GRIP1: variants seen among roughly 807,000 people sequenced by gnomAD.
GRIP1 encodes glutamate receptor interacting protein 1, also known as glutamate receptor-interacting protein 1.
A neutral mutation model predicts 129.9 loss-of-function variants in GRIP1; 45 were observed. That is an observed-to-expected ratio of 0.35 (90% confidence interval 0.27 to 0.44). The LOEUF (loss-of-function observed/expected upper bound fraction) is 0.44. Among genes scored for constraint, GRIP1 ranks in the 20% least tolerant of loss-of-function variants. GRIP1 has a pLI of 1.00. For synonymous variants in GRIP1, 530 were observed against 520.8 expected, an observed-to-expected ratio of 1.02 and a Z score of -0.24; for missense variants, 1,196 against 1,396.8, an observed-to-expected ratio of 0.86 and a Z score of 2.29.
chr12:66,867,464 G>A (rs2040226138), intron 1 of GRIP1, among the ~76,000 whole-genome samples: 1 of 152,072 alleles, frequency 6.6e-6, no homozygotes, highest in Admixed American at 6.6e-5. Flanking sequence ...TCATTAGGCA[G>A]GGTTAGGACA....
intron 1 of GRIP1, among the ~76,000 whole-genome samples, chr12:66,721,687 C>A (rs1415254194): frequency 6.6e-6 from 1 of 152,218 alleles, no homozygotes; most frequent in African/African-American, 2.4e-5. Flanking sequence ...ATTGACTTCT[C>A]TCTAGCTAGG....
rs35445606 is a variant in GRIP1 at position 66,696,804 on chromosome 12, C to CAAAAAAAA, written c.-419-66476_-419-66469dup. ...TGGGTGACAGAGCAAGACTCTGTCT[C>CAAAAAAAA]AAAAAAAAAAAAAAAAAAAAAAAAA... is the stretch of plus-strand genomic sequence containing the variant. On this transcript the variant is annotated intron_variant, in intron 1 of 4. Transcript: ENST00000538373. Among the ~76,000 whole-genome samples, 208 of 103,712 alleles carry CAAAAAAAA rather than the reference C, an allele frequency of 2.0e-3. 6 individuals are homozygous for CAAAAAAAA. Among genetic ancestry groups the CAAAAAAAA allele is most frequent in the African/African-American group, 7.7e-3 (190 of 24,698 alleles). 68.0% of individuals were successfully genotyped at this position (103,712 alleles called of 152,430 possible).
chr12:66,515,531 C>T, intron 7 of GRIP1, 88 bp downstream of exon 7: 2 of 1,195,332 alleles, frequency 1.7e-6, no homozygotes, highest in Non-Finnish European at 1.2e-6. Context: ...GAGGGCATGA[C>T]AATACATACT....
chr12:66,847,152 C>T (rs1592899101), intron 1 of GRIP1, among the ~76,000 whole-genome samples: 1 of 152,326 alleles, frequency 6.6e-6, no homozygotes, highest in South Asian at 2.1e-4. Context: ...TACAAGCCAT[C>T]TGAACCTGCA....
chr12:66,690,441 A>G (rs1419723473), intron 1 of GRIP1, among the ~76,000 whole-genome samples: 1 of 151,844 alleles, frequency 6.6e-6, no homozygotes, highest in East Asian at 1.9e-4. Flanking sequence ...CTTGATGGAC[A>G]CTTAGGTTGT....
At chr12:66,969,349 T>C (rs1188233121) in intron 1 of GRIP1, among the ~76,000 whole-genome samples, 1 of 152,200 alleles carries the variant, frequency 6.6e-6, no homozygotes, top group African/African-American at 2.4e-5. Context: ...ATTACCTGTA[T>C]ATGTATGTTT....
chr12:67,062,707 A>T (rs2043556136), intron 1 of GRIP1, among the ~76,000 whole-genome samples: 1 of 152,186 alleles, frequency 6.6e-6, no homozygotes, highest in Admixed American at 6.5e-5. Flanking sequence ...CCATCATGGC[A>T]CTTTGGCAGT....
chr12:66,910,771 T>G (rs2041015786), intron 1 of GRIP1, among the ~76,000 whole-genome samples: 1 of 152,120 alleles, frequency 6.6e-6, no homozygotes, highest in African/African-American at 2.4e-5. Flanking sequence ...GACCAGTGAT[T>G]CTAAAACTAT....
chr12:66,928,281 G>A (rs1011083232), intron 1 of GRIP1, among the ~76,000 whole-genome samples: 1 of 152,170 alleles, frequency 6.6e-6, no homozygotes, highest in African/African-American at 2.4e-5. Flanking sequence ...CTGATCAGAA[G>A]GAGAGCATAT....
chr12:66,816,998 C>T (rs1009763335), intron 1 of GRIP1, among the ~76,000 whole-genome samples: 1 of 151,964 alleles, frequency 6.6e-6, no homozygotes, highest in African/African-American at 2.4e-5. Context: ...TCGCAAAAGA[C>T]GATTCCTCAT....
chr12:66,354,025 C>A (rs192642509), intron 23 of GRIP1, among the ~76,000 whole-genome samples: 1 of 152,170 alleles, frequency 6.6e-6, no homozygotes, highest in African/African-American at 2.4e-5. Context: ...TCTCTTTGGG[C>A]AAGTACCATG....
At chr12:66,444,821 T>C in intron 12 of GRIP1, 92 bp from the exon 13 acceptor site, 1 of 1,340,372 alleles carries the variant, frequency 7.5e-7, no homozygotes, top group Non-Finnish European at 1.1e-6. Context: ...CCTTGCAAAA[T>C]AGCATCATAA....
chr12:66,913,442 A>C (rs1213336911), intron 1 of GRIP1, among the ~76,000 whole-genome samples: 4 of 152,130 alleles, frequency 2.6e-5, no homozygotes, highest in East Asian at 1.9e-4. Flanking sequence ...AACAAAAAAA[A>C]CCCTCAGTAA....
At chr12:66,488,423 TG>T (rs2060013649) in intron 7 of GRIP1, among the ~76,000 whole-genome samples, 1 of 152,092 alleles carries the variant, frequency 6.6e-6, no homozygotes, top group South Asian at 2.1e-4. Context: ...TCTTTGAAAC[TG>T]GTGAGAACAA....
At chr12:66,994,899 CA>C (rs898112788) in intron 1 of GRIP1, among the ~76,000 whole-genome samples, 2 of 151,586 alleles carry the variant, frequency 1.3e-5, no homozygotes, top group African/African-American at 4.8e-5. Context: ...ATCTTCAAAA[CA>C]AAGAAAAAAG....
intron 2 of GRIP1, among the ~76,000 whole-genome samples, chr12:66,573,454 G>C (rs1234789687): frequency 6.6e-6 from 1 of 152,152 alleles, no homozygotes; most frequent in Non-Finnish European, 1.5e-5. Context: ...CATGGTGATA[G>C]ATAACTAATG....
At chr12:66,826,053 C>T (rs1566040686) in intron 1 of GRIP1, among the ~76,000 whole-genome samples, 2 of 152,084 alleles carry the variant, frequency 1.3e-5, no homozygotes, top group Admixed American at 6.5e-5. Flanking sequence ...GACTTGGAAC[C>T]AACTGAAATG....
intron 2 of GRIP1, among the ~76,000 whole-genome samples, chr12:66,558,840 T>A (rs1247189346): frequency 6.6e-6 from 1 of 152,012 alleles, no homozygotes; most frequent in East Asian, 1.9e-4. Context: ...AAGGCCAGTA[T>A]TACCCTGATA....
At chr12:66,463,154 A>G in intron 8 of GRIP1, 61 bp from the exon 9 acceptor site, 1 of 1,309,164 alleles carries the variant, frequency 7.6e-7, no homozygotes, top group Non-Finnish European at 1.1e-6. Flanking sequence ...TCTGACTTTC[A>G]TGTCCTTCAT....
Sources: allele counts gnomAD v4.1 joint callset (sites outside exome capture counted in the v4.1 genomes callset), GRCh38; gene constraint gnomAD v4.1.1; transcripts MANE v1.5; gene names NCBI Gene and HGNC (gene_info 2026-07-23, HGNC 2026-07-21).